SNX30: variants seen among roughly 807,000 people sequenced by gnomAD.
The protein encoded by SNX30 is sorting nexin family member 30.
SNX30 carries 24 observed loss-of-function variants against 46.4 expected under a neutral mutation model. The ratio of observed to expected loss-of-function variants is 0.52; its 90% CI spans 0.37 to 0.73. The LOEUF is 0.73. Ranked by LOEUF, SNX30 falls within the 30% of genes least tolerant of loss-of-function variation. SNX30 has a pLI of 0.00. For missense variants in SNX30, 533 were observed against 555.7 expected, an observed-to-expected ratio of 0.96 and a Z score of 0.41; for synonymous variants, 189 against 211.5, an observed-to-expected ratio of 0.89 and a Z score of 0.92.
At chr9:112,839,096 A>T (rs1359195917) in intron 6 of SNX30, among the ~76,000 whole-genome samples, 1 of 152,218 alleles carries the variant, frequency 6.6e-6, no homozygotes. Context: ...AAGTTGCTGG[A>T]AAATAGAACA....
chr9:112,775,277 T>G (rs571300902), intron 1 of SNX30, among the ~76,000 whole-genome samples: 1 of 150,792 alleles, frequency 6.6e-6, no homozygotes, highest in South Asian at 2.1e-4. Context: ...TGCCTTAGCC[T>G]CCCAAGTGGC....
At chr9:112,771,685 G>A (rs1028244299) in intron 1 of SNX30, among the ~76,000 whole-genome samples, 2 of 152,094 alleles carry the variant, frequency 1.3e-5, no homozygotes, top group Admixed American at 6.5e-5. Context: ...CTCTGATCAT[G>A]CTTCAAAAAA....
At chr9:112,877,525 G>A (rs1169836637), downstream of SNX30, 2 of 152,570 alleles carry the variant, frequency 1.3e-5, no homozygotes, top group Non-Finnish European at 2.9e-5. Flanking sequence ...GACTCTTGGG[G>A]TTGGAGGGGG....
intron 2 of SNX30, among the ~76,000 whole-genome samples, chr9:112,807,727 A>G (rs561489299): frequency 1.3e-5 from 2 of 152,110 alleles, no homozygotes; most frequent in Non-Finnish European, 2.9e-5. Flanking sequence ...TTCTGCCCCA[A>G]AATGCAAATA....
chr9:112,863,350 C>T (rs75329987), intron 7 of SNX30, among the ~76,000 whole-genome samples: 1,825 of 152,276 alleles, frequency 0.012, 30 homozygotes, highest in African/African-American at 0.042. Context: ...TTGGGCCTGT[C>T]GGCTCCCTGG....
At chr9:112,795,800 C>T (rs1196250342) in intron 1 of SNX30, among the ~76,000 whole-genome samples, 1 of 151,974 alleles carries the variant, frequency 6.6e-6, no homozygotes, top group African/African-American at 2.4e-5. Context: ...CACACACGCA[C>T]ACATGATGAG....
intron 2 of SNX30, among the ~76,000 whole-genome samples, chr9:112,812,134 A>T (rs1338044442): frequency 6.6e-6 from 1 of 151,588 alleles, no homozygotes; most frequent in Admixed American, 6.6e-5. Context: ...TTTCCTTTTC[A>T]CCTACTTCTA....
intron 3 of SNX30, among the ~76,000 whole-genome samples, 192 bp downstream of exon 3, chr9:112,818,007 T>G (rs1352836281): frequency 1.3e-5 from 2 of 152,166 alleles, no homozygotes; most frequent in Admixed American, 6.5e-5. Flanking sequence ...AGAAAGCCAG[T>G]TTTGCGGCTG....
chr9:112,797,242 G>A (rs944345578), intron 1 of SNX30, among the ~76,000 whole-genome samples: 1 of 152,196 alleles, frequency 6.6e-6, no homozygotes, highest in Non-Finnish European at 1.5e-5. Flanking sequence ...AGACCAAAGA[G>A]CGAGGTCTGC....
At chr9:112,878,353 T>G (rs558942138), downstream of SNX30, 1 of 152,396 alleles carries the variant, frequency 6.6e-6, no homozygotes, top group African/African-American at 2.4e-5. Flanking sequence ...TATTTTCACC[T>G]TCAGGCCTTC....
At chr9:112,883,966 A>G (rs1841614594), downstream of SNX30, among the ~76,000 whole-genome samples, 6 of 152,184 alleles carry the variant, frequency 3.9e-5, no homozygotes, top group Admixed American at 3.9e-4. Context: ...AAGTGCTGGG[A>G]TTACAGGCAT....
At position 112,750,974 on chromosome 9, in the gene SNX30, CGGCGGCGCGTCCCGAGCGGT is replaced by C; in HGVS notation, c.-26_-7del. On this transcript the variant is annotated 5_prime_UTR_variant, in exon 1 of 9. Coordinates refer to ENST00000374232, the MANE Select transcript of SNX30 (RefSeq NM_001012994.2). ...CGCGGCGGGCAGCAGGAGGAAGCGG[CGGCGGCGCGTCCCGAGCGGT>C]GCGCGCCATGGCGGGCGGGCCCCCC... 1 of 1,217,670 alleles carries C rather than the reference CGGCGGCGCGTCCCGAGCGGT, an allele frequency of 8.2e-7. No homozygotes were observed. The highest frequency in any genetic ancestry group is 1.0e-6 in the Non-Finnish European group (1 of 979,848). The allele number at this position is 1,217,670 out of a possible 1,614,324, so 75.4% of individuals were successfully genotyped here.
At position 112,821,238 on chromosome 9, in the gene SNX30, T is replaced by C. The variant is rs527430169; in HGVS notation, c.459+3423T>C. On this transcript the variant is annotated intron_variant, in intron 3 of 8. Coordinates refer to ENST00000374232, the MANE Select transcript of SNX30 (RefSeq NM_001012994.2). ...CTACTGGATGTGCAGTGCTATCTCA[T>C]TGTGATTTTAATTTGTATTTCCCTA... is the stretch of plus-strand genomic sequence containing the variant. Among the ~76,000 whole-genome samples, 412 of 152,304 alleles carry C rather than the reference T, an allele frequency of 2.7e-3. 1 individual carries two copies. The highest frequency in any genetic ancestry group is 4.6e-3 in the Non-Finnish European group (310 of 68,032).
At chr9:112,771,056 G>C (rs1839640386) in intron 1 of SNX30, among the ~76,000 whole-genome samples, 1 of 152,144 alleles carries the variant, frequency 6.6e-6, no homozygotes, top group African/African-American at 2.4e-5. Flanking sequence ...TCCCTGCCCA[G>C]TTATTCTCCC....
At chr9:112,797,711 C>CTTTTTTTTTT (rs71384277) in intron 1 of SNX30, among the ~76,000 whole-genome samples, 2 of 121,346 alleles carry the variant, frequency 1.6e-5, no homozygotes, top group Non-Finnish European at 3.3e-5. Flanking sequence ...TTTTCTTTTT[C>CTTTTTTTTTT]TTTTTTTTTT....
intron 3 of SNX30, among the ~76,000 whole-genome samples, chr9:112,821,950 A>AT (rs969904059): frequency 3.3e-5 from 5 of 151,156 alleles, no homozygotes; most frequent in Non-Finnish European, 5.9e-5. Context: ...CTGGTTTTTA[A>AT]TTTTTTTTTG....
intron 8 of SNX30, among the ~76,000 whole-genome samples, chr9:112,865,661 A>ATATATATATATATATATG: frequency 2.8e-5 from 3 of 105,684 alleles, no homozygotes; most frequent in Non-Finnish European, 5.7e-5. Flanking sequence ...ATATATATAT[A>ATATATATATATATATATG]TGTATGTATG....
In SNX30 at chr9:112,751,005, G is replaced by A; in HGVS notation, c.4G>A (p.Ala2Thr). Reference protein sequence around the residue: MAGGPPKALPST... With the variant: MTGGPPKALPST... Reference sequence around the variant, plus strand: ...CGCGTCCCGAGCGGTGCGCGCCATGGCGGGCGGGCCCCCCAAGGCCCTGCC... The same window carrying A: ...CGCGTCCCGAGCGGTGCGCGCCATGACGGGCGGGCCCCCCAAGGCCCTGCC... The change falls in exon 1 of 9, where the codon GCG becomes ACG. Residue 2 changes from alanine (A) to threonine (T), a missense_variant. Physicochemically the swap from Ala to Thr is moderately conservative, Grantham distance 58. This residue lies in a region of SNX30 where 191 missense variants were observed against 160.3 expected (regional missense o/e 1.19). Coordinates refer to ENST00000374232, the MANE Select transcript of SNX30 (RefSeq NM_001012994.2). 1 of 1,281,930 alleles carries A rather than the reference G, an allele frequency of 7.8e-7. No individual in the cohort carries two copies. The highest frequency in any genetic ancestry group is 1.5e-5 in the African/African-American group (1 of 64,838). 79.4% of individuals were successfully genotyped at this position (1,281,930 alleles called of 1,614,324 possible). A position where few individuals can be genotyped will look rare whatever the true frequency, so the allele number is the denominator to read the frequency against.
intron 1 of SNX30, among the ~76,000 whole-genome samples, chr9:112,769,167 A>AC (rs1839603303): frequency 6.6e-6 from 1 of 152,198 alleles, no homozygotes; most frequent in Non-Finnish European, 1.5e-5. Flanking sequence ...TTTTGATTCA[A>AC]CAAGTTCTTT....
Sources: allele counts gnomAD v4.1 joint callset (sites outside exome capture counted in the v4.1 genomes callset), GRCh38; gene constraint gnomAD v4.1.1; regional missense constraint gnomAD v4.1.1; transcripts MANE v1.5; gene names NCBI Gene and HGNC (gene_info 2026-07-23, HGNC 2026-07-21).